Variants in RPTOR observed in about 807,000 individuals in gnomAD.
The protein encoded by RPTOR is regulatory-associated protein of mTOR.
A neutral mutation model predicts 169.9 loss-of-function variants in RPTOR; 21 were observed. That is an observed-to-expected ratio of 0.12 (90% confidence interval 0.09 to 0.18). The LOEUF (loss-of-function observed/expected upper bound fraction) is 0.18, where lower values mean the gene tolerates loss of function less well. Ranked by LOEUF, RPTOR falls within the 10% of genes least tolerant of loss-of-function variation. The probability of loss-of-function intolerance (pLI) is 1.00; values close to 1 mark genes in which losing one functional copy is unlikely to be tolerated. For synonymous variants in RPTOR, 732 were observed against 753.2 expected, an observed-to-expected ratio of 0.97 and a Z score of 0.46; for missense variants, 1,133 against 1,855.9, an observed-to-expected ratio of 0.61 and a Z score of 7.16.
At chr17:80,948,448 C>G (rs2069129992) in intron 27 of RPTOR, 1 of 152,566 alleles carries the variant, frequency 6.6e-6, no homozygotes, top group Non-Finnish European at 1.5e-5. Context: ...GGGCAAGGGA[C>G]CAGCCAGGCT....
intron 1 of RPTOR, among the ~76,000 whole-genome samples, chr17:80,586,617 C>T (rs145565004): frequency 1.3e-5 from 2 of 152,362 alleles, no homozygotes; most frequent in African/African-American, 4.8e-5. Flanking sequence ...CTCTCTCCTC[C>T]CCCTCTGCCA....
At chr17:80,891,949 AC>A in intron 18 of RPTOR, 112 bp downstream of exon 18, 2 of 622,718 alleles carry the variant, frequency 3.2e-6, no homozygotes, top group Non-Finnish European at 5.5e-6. Context: ...TTTCTCAGAT[AC>A]CTGCCGCAAG....
chr17:80,839,434 G>A (rs1329827119), intron 10 of RPTOR, among the ~76,000 whole-genome samples: 1 of 152,166 alleles, frequency 6.6e-6, no homozygotes, highest in Non-Finnish European at 1.5e-5. Context: ...GTATTCATGG[G>A]GTATTTTCAA....
chr17:80,743,403 T>G (rs1285735772), intron 5 of RPTOR: 2 of 985,358 alleles, frequency 2.0e-6, no homozygotes, highest in Non-Finnish European at 2.4e-6. Context: ...CCGTAGAACG[T>G]AAGAAGTTGC....
intron 2 of RPTOR, among the ~76,000 whole-genome samples, chr17:80,634,372 GTGTGTGTGCATAC>G (rs2065474287): frequency 1.1e-5 from 1 of 94,922 alleles, no homozygotes; most frequent in Non-Finnish European, 2.1e-5. Flanking sequence ...TGTGCATACT[GTGTGTGTGCATAC>G]TGTGTGCGTG....
chr17:80,923,708 TGA>T, intron 23 of RPTOR, 35 bp downstream of exon 23: 1 of 1,525,076 alleles, frequency 6.6e-7, no homozygotes, highest in Non-Finnish European at 8.8e-7. Context: ...ATCTGGACAC[TGA>T]GAGCGTTGCT....
At chr17:80,879,256 C>G (rs1338510581) in intron 13 of RPTOR, among the ~76,000 whole-genome samples, 1 of 151,760 alleles carries the variant, frequency 6.6e-6, no homozygotes, top group Non-Finnish European at 1.5e-5. Context: ...TGACCCAGCT[C>G]CAACCCAGCC....
chr17:80,936,640 C>T lies in RPTOR; in HGVS notation c.2920-3856C>T, dbSNP rs12602731. On this transcript the variant is annotated intron_variant, in intron 24 of 33. Transcript: ENST00000306801. The surrounding 1 kb of genome is among the most constrained non-coding windows in gnomAD (Gnocchi z 4.1). The stretch of plus-strand genomic sequence containing the variant: ...CATGTATACAACATTCCAGGGAAGG[C>T]AAAACTGTGTGGAACTGTTCTATAT... Among the ~76,000 whole-genome samples, 37,369 of 152,002 alleles carry T rather than the reference C, an allele frequency of 0.25. 5,473 individuals are homozygous for T. The highest frequency in any genetic ancestry group is 0.35 in the Middle Eastern group (102 of 294).
At chr17:80,561,663 G>A (rs1477314602) in intron 1 of RPTOR, among the ~76,000 whole-genome samples, 1 of 151,486 alleles carries the variant, frequency 6.6e-6, no homozygotes, top group Non-Finnish European at 1.5e-5. Flanking sequence ...GAACTCCTGG[G>A]CTGGAGTGAT....
intron 7 of RPTOR, among the ~76,000 whole-genome samples, chr17:80,800,967 G>A (rs918056761): frequency 6.6e-6 from 1 of 152,228 alleles, no homozygotes; most frequent in African/African-American, 2.4e-5. Flanking sequence ...CGAGGCTCTG[G>A]TAGCACGGCT....
intron 1 of RPTOR, among the ~76,000 whole-genome samples, chr17:80,552,535 A>G (rs932926894): frequency 1.3e-5 from 2 of 152,224 alleles, no homozygotes; most frequent in African/African-American, 4.8e-5. Flanking sequence ...TCATAAAGCA[A>G]GGACCTAGTC....
chr17:80,588,545 G>A (rs2065080932), intron 1 of RPTOR, among the ~76,000 whole-genome samples: 1 of 152,202 alleles, frequency 6.6e-6, no homozygotes, highest in African/African-American at 2.4e-5. Flanking sequence ...TGGGTATGCA[G>A]ATGTGTCTTG....
At chr17:80,567,946 G>C (rs1350062138) in intron 1 of RPTOR, among the ~76,000 whole-genome samples, 1 of 149,900 alleles carries the variant, frequency 6.7e-6, no homozygotes, top group African/African-American at 2.5e-5. Context: ...TCACTCTGTT[G>C]CTTCGTCTGG....
intron 13 of RPTOR, among the ~76,000 whole-genome samples, chr17:80,859,191 C>T (rs2143758604): frequency 6.6e-6 from 1 of 152,224 alleles, no homozygotes; most frequent in East Asian, 1.9e-4. Context: ...CTGGGGACCT[C>T]GTCTACCCAG....
intron 13 of RPTOR, among the ~76,000 whole-genome samples, chr17:80,859,548 C>A (rs1199557865): frequency 6.6e-6 from 1 of 152,198 alleles, no homozygotes. Context: ...GTCAGTCTTG[C>A]TCTGGGGGTG....
intron 7 of RPTOR, among the ~76,000 whole-genome samples, chr17:80,821,703 G>A (rs149611730): frequency 5.9e-5 from 9 of 152,280 alleles, no homozygotes; most frequent in Non-Finnish European, 1.2e-4. Flanking sequence ...CTGGGCGCGC[G>A]CTGGCAATCC....
In RPTOR at chr17:80,712,345, C is replaced by G. The variant is rs369970476; in HGVS notation, c.507+4346C>G. ...CACAGAGTAGTGGTGTCCTTCAAGT[C>G]CTCTGTGCGCCCCCTCATCTTCTCT... On this transcript the variant is annotated intron_variant, in intron 4 of 33. Coordinates refer to ENST00000306801, the MANE Select transcript of RPTOR (RefSeq NM_020761.3). Among the ~76,000 whole-genome samples, 41 of 152,230 alleles carry G rather than the reference C, an allele frequency of 2.7e-4. 1 individual carries two copies. The East Asian group carries it at 4.8e-3, about 18-fold the overall frequency.
intron 4 of RPTOR, among the ~76,000 whole-genome samples, chr17:80,717,234 T>G (rs933518386): frequency 2.6e-5 from 4 of 152,192 alleles, no homozygotes; most frequent in African/African-American, 9.7e-5. Context: ...GTGGTCTGTT[T>G]TTCTCCACAG....
At chr17:80,896,290 T>A (rs780267930) in intron 20 of RPTOR, among the ~76,000 whole-genome samples, 1 of 150,338 alleles carries the variant, frequency 6.7e-6, no homozygotes, top group Non-Finnish European at 1.5e-5. Flanking sequence ...CCATCAGTCC[T>A]TAGGGTCTGA....
Sources: gnomAD v4.1 joint callset for allele counts (sites outside exome capture counted in the v4.1 genomes callset) on GRCh38, gnomAD v4.1.1 for gene constraint, Gnocchi (gnomAD v3.1) non-coding constraint, MANE v1.5 for transcripts, NCBI Gene and HGNC (gene_info 2026-07-23, HGNC 2026-07-21) for gene names.